CNTNAP3B: variants seen among roughly 807,000 people sequenced by gnomAD.
CNTNAP3B encodes contactin-associated protein-like 3B.
CNTNAP3B carries 25 observed loss-of-function variants against 108.9 expected under a neutral mutation model. The observed-to-expected ratio is 0.23, with a 90% CI of 0.17 to 0.32. CNTNAP3B has a LOEUF of 0.32. CNTNAP3B is among the 10% of genes least tolerant of loss of function. CNTNAP3B has a pLI of 1.00. For missense variants in CNTNAP3B, 252 were observed against 1,210.4 expected, an observed-to-expected ratio of 0.21 and a Z score of 11.75; for synonymous variants, 103 against 473.4, an observed-to-expected ratio of 0.22 and a Z score of 10.16.
chr9:42,103,357 C>A (rs1828036534), intron 2 of CNTNAP3B, among the ~76,000 whole-genome samples: 3 of 145,470 alleles, frequency 2.1e-5, no homozygotes, highest in African/African-American at 8.1e-5. Context: ...TTATTTGGTC[C>A]AATGTGCAAT....
At chr9:41,921,146 G>C (rs1299346812) in intron 17 of CNTNAP3B, among the ~76,000 whole-genome samples, 1 of 152,306 alleles carries the variant, frequency 6.6e-6, no homozygotes, top group Non-Finnish European at 1.5e-5. Flanking sequence ...TCAGCTTTGT[G>C]GGTGATTCTG....
intron 3 of CNTNAP3B, among the ~76,000 whole-genome samples, chr9:42,064,737 G>C (rs1827237681): frequency 7.4e-6 from 1 of 135,036 alleles, no homozygotes; most frequent in African/African-American, 3.0e-5. Context: ...TAATTCACTT[G>C]GGATAATGGC....
intron 3 of CNTNAP3B, among the ~76,000 whole-genome samples, chr9:42,020,585 A>G (rs1197221047): frequency 6.7e-6 from 1 of 148,166 alleles, no homozygotes; most frequent in East Asian, 2.0e-4. Context: ...GTTCTGGGAC[A>G]TGATAGGCAT....
In CNTNAP3B at chr9:42,097,053, C is replaced by T. The variant is rs1028759492; in HGVS notation, c.196+7576G>A. Among the ~76,000 whole-genome samples the T allele has an allele frequency of 2.2e-5, 3 of 139,010 alleles. 1 individual carries two copies. Among genetic ancestry groups the T allele is most frequent in the Non-Finnish European group, 4.6e-5 (3 of 64,914 alleles). The allele number at this position is 139,010 out of a possible 152,430, so 91.2% of individuals were successfully genotyped here. ...AGGCGTGAACCACTGTGCCCGGTCC[C>T]GCACAGAAGTTTTTGATGTTAGGTG... is the stretch of plus-strand genomic sequence containing the variant. On this transcript the variant is annotated intron_variant, in intron 2 of 23. Transcript: ENST00000377561.
At chr9:41,970,327 C>T in intron 9 of CNTNAP3B, 82 bp from the exon 10 acceptor site, 1 of 262,608 alleles carries the variant, frequency 3.8e-6, no homozygotes, top group Non-Finnish European at 6.2e-6. Context: ...AAGACTGCTG[C>T]TCCCGCTTGT....
chr9:42,056,058 C>A (rs1350367637), intron 3 of CNTNAP3B, among the ~76,000 whole-genome samples: 1 of 112,438 alleles, frequency 8.9e-6, no homozygotes, highest in African/African-American at 3.5e-5. Context: ...TGTCTTCATA[C>A]TTAAATTTGT....
intron 9 of CNTNAP3B, chr9:41,975,164 G>T (rs1458998553): frequency 1.6e-5 from 3 of 192,902 alleles, no homozygotes; most frequent in Non-Finnish European, 3.0e-5. Flanking sequence ...TTCCGGTGGG[G>T]AAGACTAGCA....
chr9:42,103,597 T>G (rs1828045214), intron 2 of CNTNAP3B, among the ~76,000 whole-genome samples: 1 of 111,626 alleles, frequency 9.0e-6, no homozygotes, highest in South Asian at 2.8e-4. Context: ...TAGTCAGGCC[T>G]GGTGGCGGGT....
At chr9:41,997,234 A>G (rs1160330177) in intron 6 of CNTNAP3B, among the ~76,000 whole-genome samples, 17 of 151,374 alleles carry the variant, frequency 1.1e-4, no homozygotes, top group African/African-American at 3.7e-4. Context: ...AGGAATCTGC[A>G]TAGTCAAACA....
intron 10 of CNTNAP3B, among the ~76,000 whole-genome samples, chr9:41,965,126 G>C (rs1455357348): frequency 2.6e-5 from 4 of 152,290 alleles, no homozygotes; most frequent in African/African-American, 9.6e-5. Context: ...TCGCCTTTTA[G>C]ATTTGCAATA....
chr9:42,018,873 G>T (rs1826259322), intron 3 of CNTNAP3B, among the ~76,000 whole-genome samples: 1 of 151,472 alleles, frequency 6.6e-6, no homozygotes, highest in Non-Finnish European at 1.5e-5. Flanking sequence ...GGACTCACAA[G>T]ACTCTCACGT....
At chr9:41,967,886 ACAT>A (rs1265173175) in intron 10 of CNTNAP3B, among the ~76,000 whole-genome samples, 3 of 152,282 alleles carry the variant, frequency 2.0e-5, no homozygotes, top group South Asian at 2.1e-4. Flanking sequence ...ATTATTGTAC[ACAT>A]CATGGCTGAA....
chr9:42,018,862 C>T lies in CNTNAP3B; in HGVS notation c.391-5337G>A, dbSNP rs1244996953. On this transcript the variant is annotated intron_variant, in intron 3 of 23. Transcript: ENST00000377561. ...CTGAACACTGGGGAGAATGATGATCCGGACTCACAAGACTCTCACGTATCT... is the reference window on the plus strand; with the variant it reads ...CTGAACACTGGGGAGAATGATGATCTGGACTCACAAGACTCTCACGTATCT... Among the ~76,000 whole-genome samples the T allele has an allele frequency of 4.0e-5, 6 of 151,734 alleles. No individual in the cohort carries two copies. The South Asian group carries it at 6.2e-4, about 16-fold the overall frequency.
At chr9:41,923,761 C>G in intron 16 of CNTNAP3B, 162 bp downstream of exon 16, 1 of 1,339,242 alleles carries the variant, frequency 7.5e-7, no homozygotes, top group South Asian at 1.6e-5. Flanking sequence ...AATCCTCTCT[C>G]CCTCTCTCAA....
chr9:41,962,179 TTAA>T (rs1167367727), intron 11 of CNTNAP3B, among the ~76,000 whole-genome samples: 3 of 152,180 alleles, frequency 2.0e-5, no homozygotes, highest in South Asian at 4.1e-4. Flanking sequence ...TTATATACAA[TTAA>T]TAATTATATA....
intron 10 of CNTNAP3B, among the ~76,000 whole-genome samples, chr9:41,969,639 A>G (rs1157932581): frequency 6.6e-6 from 1 of 152,104 alleles, no homozygotes; most frequent in Non-Finnish European, 1.5e-5. Flanking sequence ...TTGTTTTGAG[A>G]CCGAGTCTCG....
At chr9:42,097,276 G>C (rs552700922) in intron 2 of CNTNAP3B, among the ~76,000 whole-genome samples, 2 of 140,376 alleles carry the variant, frequency 1.4e-5, no homozygotes, top group African/African-American at 5.6e-5. Flanking sequence ...CATGGAAAAT[G>C]GGGATGAGTG....
At chr9:42,117,266 T>G (rs1459998101) in intron 1 of CNTNAP3B, among the ~76,000 whole-genome samples, 2 of 133,298 alleles carry the variant, frequency 1.5e-5, no homozygotes, top group Admixed American at 1.5e-4. Context: ...ATTGACCACA[T>G]AGTTGGAAGT....
At chr9:42,112,481 AAG>A (rs1313114796) in intron 1 of CNTNAP3B, among the ~76,000 whole-genome samples, 2 of 138,948 alleles carry the variant, frequency 1.4e-5, no homozygotes, top group East Asian at 2.2e-4. Flanking sequence ...TGGGGTGAGG[AAG>A]AGAGACTGGC....
Sources: allele counts gnomAD v4.1 joint callset (sites outside exome capture counted in the v4.1 genomes callset), GRCh38; gene constraint gnomAD v4.1.1; transcripts MANE v1.5; gene names NCBI Gene and HGNC (gene_info 2026-07-23, HGNC 2026-07-21).